YES1: variants seen among roughly 807,000 people sequenced by gnomAD.
YES1 encodes YES proto-oncogene 1, Src family tyrosine kinase, also known as tyrosine-protein kinase Yes.
A neutral mutation model predicts 70.4 loss-of-function variants in YES1; 39 were observed. The ratio of observed to expected loss-of-function variants is 0.55; its 90% CI spans 0.43 to 0.72. The LOEUF (loss-of-function observed/expected upper bound fraction) is 0.72, where lower values mean the gene tolerates loss of function less well. YES1 is among the 30% of genes least tolerant of loss of function. The pLI, the probability that YES1 is intolerant of heterozygous loss-of-function variation, is 0.00. For synonymous variants in YES1, 198 were observed against 218.6 expected, an observed-to-expected ratio of 0.91 and a Z score of 0.83; for missense variants, 495 against 644.8, an observed-to-expected ratio of 0.77 and a Z score of 2.52.
At chr18:792,567 G>A (rs77878311) in intron 1 of YES1, among the ~76,000 whole-genome samples, 4 of 45,186 alleles carry the variant, frequency 8.9e-5, no homozygotes, top group African/African-American at 3.0e-4. Context: ...CTCTGTATAT[G>A]TGTGTGTGTG....
chr18:743,408 A>T lies in YES1; in HGVS notation c.732T>A (p.Ala244=), dbSNP rs2080238330. 1.2e-6 allele frequency: 2 copies of T among 1,612,048 alleles called. No homozygotes were observed. Among genetic ancestry groups the T allele is most frequent in the East Asian group, 4.5e-5 (2 of 44,848 alleles). Residue 244 remains alanine, a synonymous_variant, in exon 7 of 12, where the codon GCT becomes GCA. Transcript: ENST00000314574. Reference sequence around the variant, plus strand: ...TTGTCAACTTGTGGCATAAACCATCAGCATGTTCTAGATAAATGAATAAAC... The same window carrying T: ...TTGTCAACTTGTGGCATAAACCATCTGCATGTTCTAGATAAATGAATAAAC... ...QKLVKHYTEH[A]DGLCHKLTTV...
At chr18:756,285 G>GA (rs936180413) in intron 2 of YES1, among the ~76,000 whole-genome samples, 4 of 151,072 alleles carry the variant, frequency 2.6e-5, no homozygotes, top group African/African-American at 9.8e-5. Context: ...CCTACAGTGG[G>GA]GGGGGGCTCA....
intron 1 of YES1, among the ~76,000 whole-genome samples, chr18:796,508 G>A (rs1419733882): frequency 5.3e-5 from 8 of 152,140 alleles, no homozygotes; most frequent in Non-Finnish European, 7.4e-5. Flanking sequence ...AGTGGCTCAC[G>A]CTGGTAATCT....
rs190909355 is a variant in YES1 at position 736,533 on chromosome 18, G to T, written c.1291+275C>A. The T allele has an allele frequency of 6.2e-4, 150 of 242,848 alleles. 2 individuals are homozygous for T. Among genetic ancestry groups the T allele is most frequent in the African/African-American group, 3.3e-3 (145 of 44,510 alleles). The allele number at this position is 242,848 out of a possible 1,614,324, so 15.0% of individuals were successfully genotyped here. On this transcript the variant is annotated intron_variant, in intron 10 of 11. Coordinates refer to ENST00000314574, the MANE Select transcript of YES1 (RefSeq NM_005433.4). Reference sequence around the variant, plus strand: ...GAGAACCTCTGGCCTTTCTAGGAAAGAAATTAAAATATATTTGTTGTCATG... The same window carrying T: ...GAGAACCTCTGGCCTTTCTAGGAAATAAATTAAAATATATTTGTTGTCATG...
chr18:730,343 ATT>A (rs59787531), intron 11 of YES1, among the ~76,000 whole-genome samples: 16,670 of 131,974 alleles, frequency 0.13, 994 homozygotes, highest in East Asian at 0.28. Context: ...ACCCAAGAGG[ATT>A]TTTTTTTTTT....
intron 1 of YES1, among the ~76,000 whole-genome samples, chr18:781,874 T>A (rs1366265986): frequency 6.6e-6 from 1 of 152,190 alleles, no homozygotes; most frequent in Non-Finnish European, 1.5e-5. Context: ...TTTGCCTTGG[T>A]TAAGACTTAT....
chr18:784,219 T>A (rs1449846676), intron 1 of YES1, among the ~76,000 whole-genome samples: 1 of 152,258 alleles, frequency 6.6e-6, no homozygotes, highest in African/African-American at 2.4e-5. Flanking sequence ...ACAAGTTTTC[T>A]ATATGCTCAC....
At chr18:761,409 G>A (rs975329131) in intron 1 of YES1, among the ~76,000 whole-genome samples, 5 of 152,062 alleles carry the variant, frequency 3.3e-5, no homozygotes, top group Non-Finnish European at 7.4e-5. Flanking sequence ...AATTATGGGG[G>A]AAACCCAGTA....
At chr18:752,348 G>A (rs1035139154) in intron 2 of YES1, among the ~76,000 whole-genome samples, 2 of 152,126 alleles carry the variant, frequency 1.3e-5, no homozygotes, top group African/African-American at 4.8e-5. Flanking sequence ...GGCCCCAAGT[G>A]ATTCGCCTGC....
intron 2 of YES1, 119 bp from the exon 3 acceptor site, chr18:751,923 G>A (rs1177951840): frequency 1.5e-6 from 1 of 687,532 alleles, no homozygotes; most frequent in African/African-American, 1.8e-5. Context: ...GTAGTCTCCA[G>A]AAACTATTTT....
intron 1 of YES1, among the ~76,000 whole-genome samples, chr18:788,519 G>A (rs940541699): frequency 2.0e-5 from 3 of 152,028 alleles, no homozygotes; most frequent in African/African-American, 4.8e-5. Context: ...GCACATACAC[G>A]TATGGAAGTT....
Position 742,870 on chromosome 18 carries a change from C to T in YES1, c.1060+48G>A, listed in dbSNP as rs761544020. ...GTCTATATGCATACAAATCAAGACTCTTAAAAACATTATCAACACAAATAC... is the reference window on the plus strand; with the variant it reads ...GTCTATATGCATACAAATCAAGACTTTTAAAAACATTATCAACACAAATAC... On this transcript the variant is annotated intron_variant, in intron 8 of 11. Transcript: ENST00000314574. 10 of 1,471,364 alleles carry T rather than the reference C, an allele frequency of 6.8e-6. No individual in the cohort carries two copies. In the East Asian group the frequency reaches 2.3e-4, roughly 34 times the overall value. 91.1% of individuals were successfully genotyped at this position (1,471,364 alleles called of 1,614,324 possible). A position where few individuals can be genotyped will look rare whatever the true frequency, so the allele number is the denominator to read the frequency against.
chr18:788,740 T>C (rs893221370), intron 1 of YES1, among the ~76,000 whole-genome samples: 4 of 152,082 alleles, frequency 2.6e-5, no homozygotes, highest in African/African-American at 9.7e-5. Context: ...GCCAATTTGG[T>C]GAAACCCTGT....
Position 745,769 on chromosome 18 carries a change from T to C in YES1, c.663A>G (p.Gly221=). The part of the protein sequence containing the change: ...HYKIRKLDNG[G]YYITTRAQFD... ...ATTGTGCTCTGGTTGTGATATAGTATCCACCATTGTCAAGTTTCCTAATTT... is the reference window on the plus strand; with the variant it reads ...ATTGTGCTCTGGTTGTGATATAGTACCCACCATTGTCAAGTTTCCTAATTT... The change falls in exon 6 of 12, where the codon GGA becomes GGG. Residue 221 remains glycine (G), a synonymous_variant. Transcript: ENST00000314574. 1 of 1,613,334 alleles carries C rather than the reference T, an allele frequency of 6.2e-7. No individual in the cohort carries two copies. The highest frequency in any genetic ancestry group is 8.5e-7 in the Non-Finnish European group (1 of 1,179,792).
In YES1 at chr18:736,952, C is replaced by A; in HGVS notation, c.1147G>T (p.Gly383Cys). Residue 383 changes from glycine to cysteine, a missense_variant, in exon 10 of 12, where the codon GGT becomes TGT. Physicochemically the swap from Gly to Cys is radical, Grantham distance 159. Coordinates refer to ENST00000314574, the MANE Select transcript of YES1 (RefSeq NM_005433.4). ...TTCATTCTTTCAATATATGCCATAC[C>A]ATCAGCAATCTTGGAAAGAGAAAAA... ...LVDMAAQIAD[G>C]MAYIERMNYI... 6.2e-7 allele frequency: 1 copy of A among 1,604,288 alleles called. No homozygotes were observed. The highest frequency in any genetic ancestry group is 1.7e-5 in the Admixed American group (1 of 59,182).
Position 724,177 on chromosome 18 carries a change from C to A in YES1, c.*247G>T. ...TCCTTCATTACCATGCTGTCACCCA[C>A]ACTGTCATCAGTATCTTAGCTCTAT... On this transcript the variant is annotated 3_prime_UTR_variant, in exon 12 of 12. Transcript: ENST00000314574. 4.5e-6 allele frequency: 2 copies of A among 440,732 alleles called. No homozygotes were observed. The highest frequency in any genetic ancestry group is 6.2e-4 in the Middle Eastern group (1 of 1,618). 27.3% of individuals were successfully genotyped at this position (440,732 alleles called of 1,614,324 possible). A position where few individuals can be genotyped will look rare whatever the true frequency, so the allele number is the denominator to read the frequency against.
chr18:792,959 A>C (rs558033017), intron 1 of YES1, among the ~76,000 whole-genome samples: 1 of 152,200 alleles, frequency 6.6e-6, no homozygotes, highest in East Asian at 1.9e-4. Context: ...TATATCTATA[A>C]AGTTCAAGTC....
In YES1 at chr18:797,674, A is replaced by G. The variant is rs181630197; in HGVS notation, c.-9+14440T>C. Among the ~76,000 whole-genome samples, 352 of 152,368 alleles carry G rather than the reference A, an allele frequency of 2.3e-3. 2 individuals are homozygous for G. The highest frequency in any genetic ancestry group is 8.2e-3 in the African/African-American group (340 of 41,586). On this transcript the variant is annotated intron_variant, in intron 1 of 11. Transcript: ENST00000314574. ...TTTATAATCTTCAAATTGCTTAAAAATGATAAACATCTTTTTAACAAACTT... is the reference window on the plus strand; with the variant it reads ...TTTATAATCTTCAAATTGCTTAAAAGTGATAAACATCTTTTTAACAAACTT...
chr18:809,591 G>A (rs911726641), intron 1 of YES1, among the ~76,000 whole-genome samples: 1 of 152,092 alleles, frequency 6.6e-6, no homozygotes, highest in African/African-American at 2.4e-5. Context: ...GTGAGCCACC[G>A]TGCCCAGCCT....
Sources: allele counts gnomAD v4.1 joint callset (sites outside exome capture counted in the v4.1 genomes callset), GRCh38; gene constraint gnomAD v4.1.1; transcripts MANE v1.5; gene names NCBI Gene and HGNC (gene_info 2026-07-23, HGNC 2026-07-21).